Variants in TACC2 observed in about 807,000 individuals in gnomAD.
The protein encoded by TACC2 is transforming acidic coiled-coil-containing protein 2.
In TACC2, 137 loss-of-function variants were observed where a neutral mutation model predicts 227.3. The ratio of observed to expected loss-of-function variants is 0.60; its 90% CI spans 0.52 to 0.69. The LOEUF (loss-of-function observed/expected upper bound fraction) is 0.69, where lower values mean the gene tolerates loss of function less well. TACC2 is among the 30% of genes least tolerant of loss of function. The pLI is 0.00. For missense variants in TACC2, 3,470 were observed against 3,694.4 expected, an observed-to-expected ratio of 0.94 and a Z score of 1.57; for synonymous variants, 1,523 against 1,487.5, an observed-to-expected ratio of 1.02 and a Z score of -0.55.
intron 3 of TACC2, among the ~76,000 whole-genome samples, chr10:122,062,463 C>A (rs1177040866): frequency 1.6e-5 from 2 of 125,954 alleles, no homozygotes; most frequent in African/African-American, 5.7e-5. Context: ...GCCACCACGT[C>A]CGGCTAATTT....
At position 122,083,409 on chromosome 10, in the gene TACC2, C is replaced by T. The variant is rs1200346563; in HGVS notation, c.909C>T (p.Asp303=). 6 of 1,613,808 alleles carry T rather than the reference C, an allele frequency of 3.7e-6. No homozygotes were observed. Among genetic ancestry groups the T allele is most frequent in the Non-Finnish European group, 5.1e-6 (6 of 1,180,030 alleles). The part of the protein sequence containing the change: ...GEAPPQYLTD[D]LEFLRACHLP... ...CGCCGCCTCAGTATTTAACAGATGA[C>T]TTGGAATTCCTCAGGGCCTGCCATC... is the stretch of plus-strand genomic sequence containing the variant. Residue 303 remains aspartate (D), a synonymous_variant, in exon 4 of 23, where the codon GAC becomes GAT. Coordinates refer to ENST00000369005, the MANE Select transcript of TACC2 (RefSeq NM_206862.4).
At chr10:122,155,630 T>A (rs1278647178) in intron 7 of TACC2, among the ~76,000 whole-genome samples, 1 of 152,186 alleles carries the variant, frequency 6.6e-6, no homozygotes, top group Non-Finnish European at 1.5e-5. Context: ...AGTAGGAGCC[T>A]GAACTTTGGA....
At position 122,085,885 on chromosome 10, in the gene TACC2, G is replaced by T. The variant is rs370359361; in HGVS notation, c.3385G>T (p.Ala1129Ser). The change falls in exon 4 of 23, where the codon GCT (alanine) becomes TCT (serine). Residue 1129 changes from alanine to serine, a missense_variant. By Grantham distance (99) the Ala-to-Ser change is moderately conservative. This residue lies in a region of TACC2 where 1,924 missense variants were observed against 1,978.3 expected (regional missense o/e 0.97). Transcript: ENST00000369005. ...SAGEQGGEAG[A>S]AETGGSAGAG... The stretch of plus-strand genomic sequence containing the variant: ...TGGGGAGCAAGGTGGTGAAGCCGGG[G>T]CTGCTGAGACTGGTGGCAGCGCTGG... 5.6e-6 allele frequency: 9 copies of T among 1,613,346 alleles called. No homozygotes were observed. The African/African-American group carries it at 9.3e-5, about 17-fold the overall frequency.
intron 1 of TACC2, chr10:122,019,847 C>G (rs1209541430): frequency 6.6e-6 from 1 of 152,288 alleles, no homozygotes; most frequent in Non-Finnish European, 1.5e-5. Context: ...AATTTCCATG[C>G]GCCCGCAGCT....
intron 1 of TACC2, among the ~76,000 whole-genome samples, chr10:122,002,774 A>G (rs1954562762): frequency 6.6e-6 from 1 of 152,214 alleles, no homozygotes; most frequent in African/African-American, 2.4e-5. Context: ...TCTGCAAATC[A>G]GCCTCTTATA....
intron 7 of TACC2, among the ~76,000 whole-genome samples, chr10:122,166,492 T>TG (rs1412251369): frequency 6.6e-6 from 1 of 152,072 alleles, no homozygotes; most frequent in African/African-American, 2.4e-5. Flanking sequence ...CCCATGGGAC[T>TG]GGGGATTGAA....
intron 5 of TACC2, among the ~76,000 whole-genome samples, chr10:122,119,306 G>C (rs1361304352): frequency 6.6e-6 from 1 of 152,190 alleles, no homozygotes; most frequent in Non-Finnish European, 1.5e-5. Flanking sequence ...TATAAATGGC[G>C]AGTAAGTGGC....
intron 7 of TACC2, among the ~76,000 whole-genome samples, chr10:122,179,951 G>A (rs1032445131): frequency 2.0e-5 from 3 of 152,024 alleles, no homozygotes; most frequent in Non-Finnish European, 4.4e-5. Context: ...GGGAGTGGTG[G>A]CGTGTATCCA....
chr10:122,086,883 C>A lies in TACC2; in HGVS notation c.4383C>A (p.Thr1461=). The change falls in exon 4 of 23, where the codon ACC becomes ACA. Residue 1461 remains threonine (T), a synonymous_variant. Transcript: ENST00000369005. ...ATGGGCCTCCAGGAGTGGATGTCAC[C>A]CTTCTCCCTGCACCTCCTGCTCGAC... ...LLDGPPGVDV[T]LLPAPPARLQ... 6.2e-7 allele frequency: 1 copy of A among 1,613,914 alleles called. No homozygotes were observed. The highest frequency in any genetic ancestry group is 8.5e-7 in the Non-Finnish European group (1 of 1,179,970).
chr10:122,236,154 G>A (rs1026670083), intron 16 of TACC2, among the ~76,000 whole-genome samples: 1 of 152,118 alleles, frequency 6.6e-6, no homozygotes, highest in Non-Finnish European at 1.5e-5. Context: ...CGCCTGTTCT[G>A]GTGGTGGAAG....
At chr10:122,228,496 C>A (rs1316103583) in intron 14 of TACC2, among the ~76,000 whole-genome samples, 1 of 152,200 alleles carries the variant, frequency 6.6e-6, no homozygotes, top group East Asian at 1.9e-4. Context: ...ACCTACCCCC[C>A]AGTCCCTGCA....
At chr10:122,168,668 C>G (rs1008851641) in intron 7 of TACC2, among the ~76,000 whole-genome samples, 1 of 152,174 alleles carries the variant, frequency 6.6e-6, no homozygotes, top group Admixed American at 6.5e-5. Flanking sequence ...GGGTGAACAG[C>G]TAGGACTTGG....
At chr10:122,131,982 A>G (rs2088224665) in intron 5 of TACC2, among the ~76,000 whole-genome samples, 1 of 152,058 alleles carries the variant, frequency 6.6e-6, no homozygotes, top group East Asian at 1.9e-4. Flanking sequence ...AGATCACGTC[A>G]TTGCACTTCA....
intron 1 of TACC2, among the ~76,000 whole-genome samples, chr10:122,000,389 G>A (rs1954147671): frequency 6.6e-6 from 1 of 151,994 alleles, no homozygotes; most frequent in Non-Finnish European, 1.5e-5. Flanking sequence ...AAAAAAAAGA[G>A]AGAAAGAAAA....
intron 9 of TACC2, chr10:122,213,353 A>G (rs2095336248): frequency 6.2e-7 from 1 of 1,612,106 alleles, no homozygotes. Context: ...ATGGTTGAAG[A>G]TGTGATGTCT....
At chr10:122,079,591 C>T (rs1197460737) in intron 3 of TACC2, among the ~76,000 whole-genome samples, 13 of 152,204 alleles carry the variant, frequency 8.5e-5, no homozygotes, top group Admixed American at 7.2e-4. Context: ...GTTCTGTGTA[C>T]ATGCCTCCTT....
intron 3 of TACC2, among the ~76,000 whole-genome samples, chr10:122,060,792 G>T (rs2076703558): frequency 6.6e-6 from 1 of 151,894 alleles, no homozygotes; most frequent in Non-Finnish European, 1.5e-5. Context: ...ATCACCTGAG[G>T]TCAGGAGTTT....
chr10:122,034,946 G>A (rs1591313381), intron 2 of TACC2, among the ~76,000 whole-genome samples: 1 of 141,844 alleles, frequency 7.1e-6, no homozygotes, highest in Non-Finnish European at 1.6e-5. Context: ...AAAAAAAAAA[G>A]TTTTGGAATC....
At position 122,083,055 on chromosome 10, in the gene TACC2, G is replaced by A. The variant is rs1312994030; in HGVS notation, c.555G>A (p.Lys185=). ...RERQPKEEGQ[K]SSFSFSSGID... is the part of the protein sequence containing the mutation. ...GACAGCCGAAGGAAGAAGGACAGAA[G>A]TCCTCCTTCTCCTTCTCCAGTGGCA... The change falls in exon 4 of 23, where the codon AAG becomes AAA. Residue 185 remains lysine (K), a synonymous_variant. Coordinates refer to ENST00000369005, the MANE Select transcript of TACC2 (RefSeq NM_206862.4). 2.5e-6 allele frequency: 4 copies of A among 1,612,690 alleles called. No homozygotes were observed. The highest frequency in any genetic ancestry group is 3.3e-5 in the Admixed American group (2 of 60,024).
Sources: gnomAD v4.1 joint callset for allele counts (sites outside exome capture counted in the v4.1 genomes callset) on GRCh38, gnomAD v4.1.1 for gene constraint, gnomAD v4.1.1 regional missense constraint, MANE v1.5 for transcripts, NCBI Gene and HGNC (gene_info 2026-07-23, HGNC 2026-07-21) for gene names.